The following MICAL2 variants were observed in gnomAD, a reference collection of about 807,000 sequenced individuals.
MICAL2 encodes the protein [F-actin]-monooxygenase MICAL2.
A neutral mutation model predicts 127.3 loss-of-function variants in MICAL2; 77 were observed. That is an observed-to-expected ratio of 0.60 (90% CI 0.50 to 0.73). The LOEUF is 0.73. Among genes scored for constraint, MICAL2 ranks in the 30% least tolerant of loss-of-function variants. MICAL2 has a pLI of 0.00. For missense variants in MICAL2, 1,351 were observed against 1,434.4 expected (o/e 0.94, Z 0.94); for synonymous variants, 570 against 551.1 (o/e 1.03, Z -0.48).
chr11:12,164,540 T>G (rs1304547797), intron 3 of MICAL2, among the ~76,000 whole-genome samples: 1 of 152,196 alleles, frequency 6.6e-6, no homozygotes, highest in Non-Finnish European at 1.5e-5. Flanking sequence ...TTAACTTGGG[T>G]GCTTTGATGC....
chr11:12,151,435 C>A (rs1303814955), intron 2 of MICAL2, among the ~76,000 whole-genome samples: 3 of 152,132 alleles, frequency 2.0e-5, no homozygotes, highest in Admixed American at 6.5e-5. Flanking sequence ...CTGATCCAGG[C>A]CAAATTTGAC....
At chr11:12,330,972 G>GGGAA (rs1388972255) in intron 32 of MICAL2, among the ~76,000 whole-genome samples, 6 of 151,788 alleles carry the variant, frequency 4.0e-5, no homozygotes, top group Non-Finnish European at 1.5e-5. Flanking sequence ...CTTTGACAGA[G>GGGAA]GTAAGAGAGT....
At chr11:12,264,852 G>A (rs1472368655), downstream of MICAL2, among the ~76,000 whole-genome samples, 2 of 152,100 alleles carry the variant, frequency 1.3e-5, no homozygotes, top group African/African-American at 4.8e-5. Flanking sequence ...CTTATTCTAA[G>A]CCCTAGGTAC....
chr11:12,198,009 G>C (rs1860165943), intron 3 of MICAL2, among the ~76,000 whole-genome samples: 1 of 152,180 alleles, frequency 6.6e-6, no homozygotes, highest in African/African-American at 2.4e-5. Flanking sequence ...AGAGAGTCTG[G>C]AGATGTCAGG....
At chr11:12,218,588 C>T (rs1183948618) in intron 8 of MICAL2, among the ~76,000 whole-genome samples, 2 of 152,216 alleles carry the variant, frequency 1.3e-5, no homozygotes, top group Non-Finnish European at 2.9e-5. Flanking sequence ...TCCCCCATCT[C>T]ACCTCCACGC....
At chr11:12,190,068 A>G (rs747651589) in intron 3 of MICAL2, among the ~76,000 whole-genome samples, 14 of 152,344 alleles carry the variant, frequency 9.2e-5, no homozygotes, top group South Asian at 2.1e-4. Context: ...GGTGACCCAC[A>G]TGGAGTTATC....
downstream of MICAL2, among the ~76,000 whole-genome samples, chr11:12,287,929 C>A (rs1863846914): frequency 6.6e-6 from 1 of 152,216 alleles, no homozygotes; most frequent in South Asian, 2.1e-4. Flanking sequence ...TCCAGCCTCA[C>A]CCTAGGAGAG....
chr11:12,333,706 A>G (rs1938691464), intron 32 of MICAL2, among the ~76,000 whole-genome samples: 1 of 152,226 alleles, frequency 6.6e-6, no homozygotes, highest in African/African-American at 2.4e-5. Context: ...AACTAGAAAA[A>G]TTAATTGCAT....
chr11:12,280,863 G>T (rs1271840246), intron 1 of MICAL2: 10 of 398,228 alleles, frequency 2.5e-5, no homozygotes, highest in Non-Finnish European at 4.4e-5. Context: ...TGGGCAGGAC[G>T]CAGTGTGGGT....
chr11:12,313,961 A>ATTTTTTTTTTTTTTTTTTTTTTTTTTTT (rs60681621), intron 29 of MICAL2, among the ~76,000 whole-genome samples: 1 of 43,792 alleles, frequency 2.3e-5, no homozygotes, highest in Admixed American at 2.6e-4. Flanking sequence ...TCTTGGTCTG[A>ATTTTTTTTTTTTTTTTTTTTTTTTTTTT]TTTTTTTTTT....
At chr11:12,111,559 C>G (rs1589944509) in intron 1 of MICAL2, among the ~76,000 whole-genome samples, 1 of 152,202 alleles carries the variant, frequency 6.6e-6, no homozygotes. Flanking sequence ...GATGTGGAAA[C>G]CAGAGTAGTG....
intron 2 of MICAL2, among the ~76,000 whole-genome samples, chr11:12,152,297 CAAAAAAAAA>C (rs540812572): frequency 3.9e-4 from 15 of 38,398 alleles, no homozygotes; most frequent in Admixed American, 6.9e-4. Flanking sequence ...GACTCTGTCT[CAAAAAAAAA>C]AAAAAAAAAA....
chr11:12,158,908 C>T (rs1854478201), intron 2 of MICAL2, among the ~76,000 whole-genome samples: 1 of 152,206 alleles, frequency 6.6e-6, no homozygotes. Context: ...TGATGTTAAT[C>T]CCACGAGGAA....
intron 1 of MICAL2, among the ~76,000 whole-genome samples, chr11:12,278,205 A>G (rs1046107544): frequency 4.6e-5 from 7 of 152,186 alleles, no homozygotes; most frequent in South Asian, 2.1e-4. Context: ...TCTTTCTTCA[A>G]TAATAAATTG....
chr11:12,221,816 G>T, intron 10 of MICAL2, 57 bp downstream of exon 10: 2 of 1,419,776 alleles, frequency 1.4e-6, no homozygotes, highest in Admixed American at 1.7e-5. Context: ...GCAGGAAAGG[G>T]GGCAAGATCA....
chr11:12,235,902 T>C (rs1858982554), intron 15 of MICAL2, among the ~76,000 whole-genome samples: 1 of 152,196 alleles, frequency 6.6e-6, no homozygotes, highest in Non-Finnish European at 1.5e-5. Context: ...TTCATGAAGA[T>C]CTTTTGGGGT....
chr11:12,274,440 A>G (rs1473754150), upstream of MICAL2: 1 of 152,222 alleles, frequency 6.6e-6, no homozygotes, highest in African/African-American at 2.4e-5. Flanking sequence ...GAAATTGTAT[A>G]GTTTATTGGA....
intron 32 of MICAL2, among the ~76,000 whole-genome samples, chr11:12,341,959 T>C (rs1227663708): frequency 3.3e-5 from 5 of 152,240 alleles, no homozygotes. Flanking sequence ...TTGAGAGTAC[T>C]CTTGGGCAAA....
At position 12,236,459 on chromosome 11, in the gene MICAL2, A is replaced by G. The variant is rs190650898; in HGVS notation, c.2064+214A>G. ...ACCTTGAGAAACACAACCTCCCAGG[A>G]TGTGGTTCATGTCTGTAACGTGCAA... On this transcript the variant is annotated intron_variant, in intron 16 of 27. Coordinates refer to ENST00000683283, the MANE Select transcript of MICAL2 (RefSeq NM_001282663.2). Among the ~76,000 whole-genome samples, 4 of 152,306 alleles carry G rather than the reference A, an allele frequency of 2.6e-5. No individual in the cohort carries two copies. In the East Asian group the frequency reaches 5.8e-4, roughly 22 times the overall value.
Sources: gnomAD v4.1 joint callset for allele counts (sites outside exome capture counted in the v4.1 genomes callset) on GRCh38, gnomAD v4.1.1 for gene constraint, MANE v1.5 for transcripts, NCBI Gene and HGNC (gene_info 2026-07-23, HGNC 2026-07-21) for gene names.